Variants in R3HDM1 observed in about 807,000 individuals in gnomAD.
R3HDM1 encodes R3H domain-containing protein 1.
R3HDM1 carries 46 observed loss-of-function variants against 141.1 expected under a neutral mutation model. The ratio of observed to expected loss-of-function variants is 0.33; its 90% CI spans 0.26 to 0.42. The LOEUF is 0.42. Ranked by LOEUF, R3HDM1 falls within the 10% of genes least tolerant of loss-of-function variation. The pLI, the probability that R3HDM1 is intolerant of heterozygous loss-of-function variation, is 1.00. For synonymous variants in R3HDM1, 435 were observed against 472.9 expected, an observed-to-expected ratio of 0.92 and a Z score of 1.04; for missense variants, 1,184 against 1,368.3, an observed-to-expected ratio of 0.87 and a Z score of 2.12.
At chr2:135,553,189 A>G (rs1026868840) in intron 1 of R3HDM1, among the ~76,000 whole-genome samples, 1 of 152,134 alleles carries the variant, frequency 6.6e-6, no homozygotes, top group Non-Finnish European at 1.5e-5. Flanking sequence ...CTTGGCATCC[A>G]TTCTATGAAT....
intron 1 of R3HDM1, chr2:135,590,528 G>A: frequency 1.0e-6 from 1 of 983,144 alleles, no homozygotes; most frequent in African/African-American, 1.7e-5. Context: ...AGGAAATAAA[G>A]CCACAAAAAA....
rs2077003581 is a variant in R3HDM1 at position 135,724,510 on chromosome 2, G to A, written c.*218G>A. The A allele has an allele frequency of 9.1e-6, 4 of 439,932 alleles. No homozygotes were observed. The East Asian group carries it at 1.0e-4, about 11-fold the overall frequency. The allele number at this position is 439,932 out of a possible 1,614,324, so 27.3% of individuals were successfully genotyped here. A position where few individuals can be genotyped will look rare whatever the true frequency, so the allele number is the denominator to read the frequency against. ...TCCACATCAGAATGATACAGAGTTA[G>A]CAGGTTTTTCTAAGGAAATGCCATT... is the stretch of plus-strand genomic sequence containing the variant. On this transcript the variant is annotated 3_prime_UTR_variant, in exon 27 of 27. Transcript: ENST00000683871.
At chr2:135,645,580 G>A in intron 16 of R3HDM1, 53 bp downstream of exon 16, 1 of 1,565,944 alleles carries the variant, frequency 6.4e-7, no homozygotes. Context: ...TTACATATTT[G>A]GGACTAAATT....
intron 1 of R3HDM1, among the ~76,000 whole-genome samples, chr2:135,601,256 TAA>T (rs1161428193): frequency 3.3e-5 from 5 of 152,214 alleles, no homozygotes; most frequent in Non-Finnish European, 7.3e-5. Context: ...CGGTATCAAT[TAA>T]AAGTTTTTTG....
chr2:135,634,171 A>G (rs1289936347), intron 9 of R3HDM1, among the ~76,000 whole-genome samples: 5 of 152,078 alleles, frequency 3.3e-5, no homozygotes, highest in Admixed American at 3.3e-4. Flanking sequence ...TACTTCTTAC[A>G]TATATTTATG....
At chr2:135,622,175 A>C in intron 6 of R3HDM1, 1 of 984,982 alleles carries the variant, frequency 1.0e-6, no homozygotes, top group Non-Finnish European at 1.2e-6. Flanking sequence ...GCAAGCCTGT[A>C]GTAATAGACC....
intron 1 of R3HDM1, among the ~76,000 whole-genome samples, chr2:135,589,177 T>C (rs962129389): frequency 2.6e-5 from 4 of 152,204 alleles, no homozygotes; most frequent in Admixed American, 1.3e-4. Context: ...AGTATGGCTT[T>C]GTCATAACTA....
chr2:135,624,324 G>A (rs1215994904), intron 7 of R3HDM1, among the ~76,000 whole-genome samples: 3 of 151,792 alleles, frequency 2.0e-5, no homozygotes, highest in African/African-American at 7.3e-5. Flanking sequence ...AAACCCGGGA[G>A]GCAGAGCTTG....
intron 1 of R3HDM1, chr2:135,536,811 T>C: frequency 1.4e-6 from 1 of 697,508 alleles, no homozygotes; most frequent in Non-Finnish European, 1.8e-6. Flanking sequence ...CATCACCACC[T>C]GAGCTCTGCC....
intron 1 of R3HDM1, among the ~76,000 whole-genome samples, chr2:135,574,496 CAAATA>C (rs1341556723): frequency 6.6e-6 from 1 of 152,026 alleles, no homozygotes; most frequent in Non-Finnish European, 1.5e-5. Flanking sequence ...TTCTGTGAAA[CAAATA>C]TAGTATTGAT....
intron 1 of R3HDM1, among the ~76,000 whole-genome samples, chr2:135,573,301 A>G: frequency 6.6e-6 from 1 of 152,184 alleles, no homozygotes. Context: ...ACAGAATTTG[A>G]AGACATAGCA....
chr2:135,544,048 A>G (rs1698183398), intron 1 of R3HDM1, among the ~76,000 whole-genome samples: 1 of 152,252 alleles, frequency 6.6e-6, no homozygotes. Flanking sequence ...CATTTATAAA[A>G]TGAAGATAAT....
In R3HDM1 at chr2:135,567,198, A is replaced by G. The variant is rs116024791; in HGVS notation, c.-249-35302A>G. Among the ~76,000 whole-genome samples, 451 of 152,290 alleles carry G rather than the reference A, an allele frequency of 3.0e-3. 2 individuals are homozygous for G. The highest frequency in any genetic ancestry group is 0.01 in the African/African-American group (427 of 41,554). On this transcript the variant is annotated intron_variant, in intron 1 of 26. Coordinates refer to ENST00000683871, the MANE Select transcript of R3HDM1 (RefSeq NM_001378107.1). ...TATCCTACCAATCTGCAGCCCGTAG[A>G]CAGGTAGTCCCTGCTATCTCCTAAC...
intron 20 of R3HDM1, among the ~76,000 whole-genome samples, chr2:135,679,290 C>T (rs574692590): frequency 6.6e-6 from 1 of 152,056 alleles, no homozygotes; most frequent in East Asian, 1.9e-4. Flanking sequence ...GAAAACAGAA[C>T]TGAAAGATAC....
At chr2:135,659,549 A>G (rs539677743) in intron 18 of R3HDM1, among the ~76,000 whole-genome samples, 4 of 151,972 alleles carry the variant, frequency 2.6e-5, no homozygotes, top group African/African-American at 4.8e-5. Flanking sequence ...GTAATCCCCA[A>G]TCTCAGCCCC....
chr2:135,672,497 G>A (rs1444618010), intron 19 of R3HDM1, among the ~76,000 whole-genome samples: 2 of 152,020 alleles, frequency 1.3e-5, no homozygotes, highest in Non-Finnish European at 2.9e-5. Context: ...TATCAGTCAG[G>A]ACTAATTTCT....
At chr2:135,577,149 GA>G (rs963966507) in intron 1 of R3HDM1, 54 of 980,066 alleles carry the variant, frequency 5.5e-5, no homozygotes, top group Non-Finnish European at 6.2e-5. Flanking sequence ...CTTTGTGTAT[GA>G]AAAAGGCTTT....
At chr2:135,589,812 T>A (rs1708821205) in intron 1 of R3HDM1, among the ~76,000 whole-genome samples, 1 of 151,986 alleles carries the variant, frequency 6.6e-6, no homozygotes, top group African/African-American at 2.4e-5. Flanking sequence ...TCTGTCACAT[T>A]ATATAATATA....
At chr2:135,565,329 ATTATT>A (rs1323711659) in intron 1 of R3HDM1, among the ~76,000 whole-genome samples, 2 of 117,950 alleles carry the variant, frequency 1.7e-5, no homozygotes, top group African/African-American at 1.0e-4. Context: ...AAAAATTATT[ATTATT>A]ATTATTATTA....
Sources: allele counts gnomAD v4.1 joint callset (sites outside exome capture counted in the v4.1 genomes callset), GRCh38; gene constraint gnomAD v4.1.1; transcripts MANE v1.5; gene names NCBI Gene and HGNC (gene_info 2026-07-23, HGNC 2026-07-21).